The following ANKRD13A variants were observed in gnomAD, a reference collection of about 807,000 sequenced individuals.
ANKRD13A encodes the protein ankyrin repeat domain-containing protein 13A.
A neutral mutation model predicts 81.3 loss-of-function variants in ANKRD13A; 48 were observed. The observed-to-expected ratio is 0.59, with a 90% CI of 0.47 to 0.75. ANKRD13A has a LOEUF of 0.75. Ranked by LOEUF, ANKRD13A falls within the 30% of genes least tolerant of loss-of-function variation. The pLI, the probability that ANKRD13A is intolerant of heterozygous loss-of-function variation, is 0.00. For synonymous variants in ANKRD13A, 230 were observed against 270.1 expected (o/e 0.85, Z 1.45); for missense variants, 612 against 734.0 (o/e 0.83, Z 1.92).
chr12:110,010,142 C>T (rs1261354924), intron 1 of ANKRD13A, among the ~76,000 whole-genome samples: 1 of 152,218 alleles, frequency 6.6e-6, no homozygotes, highest in Non-Finnish European at 1.5e-5. Context: ...GCTGGGATTA[C>T]AGGCATGAGC....
chr12:110,034,039 A>C, intron 13 of ANKRD13A, 82 bp downstream of exon 13: 1 of 1,324,056 alleles, frequency 7.6e-7, no homozygotes, highest in Non-Finnish European at 1.0e-6. Flanking sequence ...CTAATCTGAA[A>C]GATTTATTCT....
In ANKRD13A at chr12:110,037,677, C is replaced by T. The variant is rs1005852400; in HGVS notation, c.*123C>T. On this transcript the variant is annotated 3_prime_UTR_variant, in exon 15 of 15. Coordinates refer to ENST00000261739, the MANE Select transcript of ANKRD13A (RefSeq NM_033121.2). ...GTGCATGCAGCAGGCAACAACTGCCCCTTCTTTATGCAGAGGTGCAGAACC... is the reference window on the plus strand; with the variant it reads ...GTGCATGCAGCAGGCAACAACTGCCTCTTCTTTATGCAGAGGTGCAGAACC... 3 of 992,130 alleles carry T rather than the reference C, an allele frequency of 3.0e-6. No individual in the cohort carries two copies. Among genetic ancestry groups the T allele is most frequent in the Non-Finnish European group, 4.3e-6 (3 of 691,766 alleles). The allele number at this position is 992,130 out of a possible 1,614,324, so 61.5% of individuals were successfully genotyped here.
At chr12:110,009,001 A>G (rs1279527974) in intron 1 of ANKRD13A, among the ~76,000 whole-genome samples, 2 of 152,164 alleles carry the variant, frequency 1.3e-5, no homozygotes, top group Non-Finnish European at 2.9e-5. Flanking sequence ...CAGTTTTGCT[A>G]GTTTGCATTT....
At chr12:110,019,653 A>C (rs1420181625) in intron 6 of ANKRD13A, among the ~76,000 whole-genome samples, 2 of 152,204 alleles carry the variant, frequency 1.3e-5, no homozygotes, top group Non-Finnish European at 2.9e-5. Flanking sequence ...TTATGGATCC[A>C]CAATACTCAG....
At chr12:110,000,212 G>GAGC (rs1389203164) in intron 1 of ANKRD13A, among the ~76,000 whole-genome samples, 1 of 152,194 alleles carries the variant, frequency 6.6e-6, no homozygotes, top group African/African-American at 2.4e-5. Flanking sequence ...TGTAAGGAAG[G>GAGC]GCTTGGTTGG....
intron 10 of ANKRD13A, 61 bp from the exon 11 acceptor site, chr12:110,029,417 A>G (rs1891547374): frequency 6.4e-7 from 1 of 1,571,472 alleles, no homozygotes; most frequent in African/African-American, 1.3e-5. Context: ...CTGCATAGCA[A>G]TAATCTCCTT....
chr12:110,020,709 A>T (rs1244511003), intron 6 of ANKRD13A, among the ~76,000 whole-genome samples: 1 of 152,214 alleles, frequency 6.6e-6, no homozygotes, highest in Non-Finnish European at 1.5e-5. Context: ...TCTGTTCATA[A>T]CCCCAGAAGG....
Position 110,018,603 on chromosome 12 carries a change from GT to G in ANKRD13A, c.544+122del, listed in dbSNP as rs964221752. ...TTCTGTCTGATCCTTCCTAGGGCAT[GT>G]TTTTTTGGTTATTCTTATTAATTAT... On this transcript the variant is annotated intron_variant, in intron 5 of 14. Transcript: ENST00000261739. This position sits in a 1 kb window ranked among gnomAD's most constrained non-coding sequence, Gnocchi z 4.4. 42 of 1,238,014 alleles carry G rather than the reference GT, an allele frequency of 3.4e-5. No individual in the cohort carries two copies. The South Asian group carries it at 4.6e-4, about 13-fold the overall frequency. 76.7% of individuals were successfully genotyped at this position (1,238,014 alleles called of 1,614,324 possible).
intron 1 of ANKRD13A, among the ~76,000 whole-genome samples, chr12:110,001,104 T>G (rs1433677190): frequency 6.6e-6 from 1 of 151,440 alleles, no homozygotes; most frequent in African/African-American, 2.4e-5. Flanking sequence ...GAGGTATTGG[T>G]GCCCTCAAGT....
At position 110,006,911 on chromosome 12, in the gene ANKRD13A, TG is replaced by T. The variant is rs1446204459; in HGVS notation, c.97-5093del. ...GAGCTCAGCCAAAATTTTGTTCTTTTGCATGTAGATATGCAGTTGTTCAAGC... is the reference window on the plus strand; with the variant it reads ...GAGCTCAGCCAAAATTTTGTTCTTTTCATGTAGATATGCAGTTGTTCAAGC... On this transcript the variant is annotated intron_variant, in intron 1 of 14. Coordinates refer to ENST00000261739, the MANE Select transcript of ANKRD13A (RefSeq NM_033121.2). 2.6e-5 allele frequency among the ~76,000 whole-genome samples: 4 copies of T among 152,330 alleles called. No individual in the cohort carries two copies. The East Asian group carries it at 7.7e-4, about 29-fold the overall frequency.
At chr12:110,001,544 A>G (rs1227318540) in intron 1 of ANKRD13A, among the ~76,000 whole-genome samples, 2 of 150,552 alleles carry the variant, frequency 1.3e-5, no homozygotes, top group Non-Finnish European at 2.9e-5. Context: ...GGTTCCAGCG[A>G]TTCTCCTGCC....
rs201713968 is a variant in ANKRD13A, at chr12:110,013,082, G to C, written c.230-43G>C. 6.8e-6 allele frequency: 11 copies of C among 1,608,882 alleles called. No individual in the cohort carries two copies. The East Asian group carries it at 2.5e-4, about 36-fold the overall frequency. The stretch of plus-strand genomic sequence containing the variant: ...CTTTTTCAGCCTGGTTTTGGAATTT[G>C]TCAGAAAGTATGAGAATTAAATTTC... On this transcript the variant is annotated intron_variant, in intron 2 of 14. Coordinates refer to ENST00000261739, the MANE Select transcript of ANKRD13A (RefSeq NM_033121.2).
intron 1 of ANKRD13A, among the ~76,000 whole-genome samples, chr12:110,007,191 T>C (rs760893955): frequency 9.9e-5 from 15 of 152,188 alleles, no homozygotes; most frequent in Non-Finnish European, 2.2e-4. Flanking sequence ...TTTCTTGCAT[T>C]TCCACATGAA....
chr12:110,033,978 T>C, intron 13 of ANKRD13A, 21 bp downstream of exon 13: 1 of 1,591,568 alleles, frequency 6.3e-7, no homozygotes, highest in Non-Finnish European at 8.6e-7. Context: ...CAGAATACTC[T>C]AATGGCAGGG....
chr12:110,007,621 C>A (rs901970032), intron 1 of ANKRD13A, among the ~76,000 whole-genome samples: 1 of 152,160 alleles, frequency 6.6e-6, no homozygotes, highest in Non-Finnish European at 1.5e-5. Flanking sequence ...CTCAGGTGAT[C>A]CGCCCACCTC....
chr12:110,032,691 G>C (rs952107565), intron 12 of ANKRD13A: 1 of 152,156 alleles, frequency 6.6e-6, no homozygotes, highest in Non-Finnish European at 1.5e-5. Flanking sequence ...ACCTGGAAAC[G>C]ACCCAAATGT....
chr12:110,028,664 T>A, intron 10 of ANKRD13A, 22 bp downstream of exon 10: 1 of 1,613,870 alleles, frequency 6.2e-7, no homozygotes, highest in South Asian at 1.1e-5. Context: ...TCAGCTGCCA[T>A]TTTCAACCTA....
chr12:110,001,679 C>T (rs922408808), intron 1 of ANKRD13A, among the ~76,000 whole-genome samples: 1 of 152,104 alleles, frequency 6.6e-6, no homozygotes, highest in Non-Finnish European at 1.5e-5. Flanking sequence ...CTCTACCTCC[C>T]AAAGTGCTGG....
At chr12:110,013,461 C>T (rs1890632529) in intron 3 of ANKRD13A, among the ~76,000 whole-genome samples, 1 of 152,182 alleles carries the variant, frequency 6.6e-6, no homozygotes, top group Admixed American at 6.5e-5. Context: ...TGGGCTTACC[C>T]TTTTAAGTAC....
Sources: allele counts gnomAD v4.1 joint callset (sites outside exome capture counted in the v4.1 genomes callset), GRCh38; gene constraint gnomAD v4.1.1; non-coding constraint Gnocchi (gnomAD v3.1); transcripts MANE v1.5; gene names NCBI Gene and HGNC (gene_info 2026-07-23, HGNC 2026-07-21).